WDR17: variants seen among roughly 807,000 people sequenced by gnomAD.
The protein encoded by WDR17 is WD repeat-containing protein 17.
Under a neutral mutation model 161.7 loss-of-function variants are expected in WDR17, and 143 were observed. That is an observed-to-expected ratio of 0.88 (90% CI 0.77 to 1.02). The LOEUF (loss-of-function observed/expected upper bound fraction) is 1.02. WDR17 is among the 50% of genes least tolerant of loss of function. The probability of loss-of-function intolerance (pLI) is 0.00; values close to 1 mark genes in which losing one functional copy is unlikely to be tolerated. For synonymous variants in WDR17, 517 were observed against 515.6 expected, an observed-to-expected ratio of 1.00 and a Z score of -0.04; for missense variants, 1,469 against 1,520.9, an observed-to-expected ratio of 0.97 and a Z score of 0.57.
At position 176,113,279 on chromosome 4, in the gene WDR17, G is replaced by A. The variant is rs117726339; in HGVS notation, c.123+1576G>A. ...CTCCTAAAGAAGAGAAAGTTATCAA[G>A]CAAGTCAAACTATTCTTCTGAGGTA... is the stretch of plus-strand genomic sequence containing the variant. On this transcript the variant is annotated intron_variant, in intron 2 of 28. Coordinates refer to ENST00000508596, the MANE Select transcript of WDR17 (RefSeq NM_181265.4). Among the ~76,000 whole-genome samples the A allele has an allele frequency of 3.2e-4, 48 of 152,030 alleles. 1 individual carries two copies. The East Asian group carries it at 8.9e-3, about 28-fold the overall frequency.
intron 3 of WDR17, among the ~76,000 whole-genome samples, chr4:176,117,080 C>T (rs546417057): frequency 9.2e-5 from 14 of 151,942 alleles, no homozygotes; most frequent in African/African-American, 3.1e-4. Flanking sequence ...AATCTCTGAA[C>T]AAAATATTGT....
At position 176,122,744 on chromosome 4, in the gene WDR17, C is replaced by T. The variant is rs552735336; in HGVS notation, c.539-2360C>T. On this transcript the variant is annotated intron_variant, in intron 4 of 28. Transcript: ENST00000508596. ...CTCTCCTCCAGGTTCTTGCAGGAAC[C>T]TATGACCTCAATATCTCTGTTGTCT... Among the ~76,000 whole-genome samples, 3 of 152,264 alleles carry T rather than the reference C, an allele frequency of 2.0e-5. No homozygotes were observed. In the South Asian group the frequency reaches 6.2e-4, roughly 32 times the overall value.
intron 2 of WDR17, among the ~76,000 whole-genome samples, chr4:176,113,521 C>G (rs1043773449): frequency 1.3e-5 from 2 of 151,928 alleles, no homozygotes; most frequent in African/African-American, 4.8e-5. Context: ...ACTTAGGGGA[C>G]AGTTCATTAC....
At chr4:176,134,981 C>T in intron 7 of WDR17, 127 bp from the exon 8 acceptor site, 1 of 859,484 alleles carries the variant, frequency 1.2e-6, no homozygotes. Flanking sequence ...TTTTTCTTGC[C>T]TATATATTTT....
rs1230599726 is a variant in WDR17, at chr4:176,150,087, G to T, written c.2092G>T (p.Val698Leu). The T allele has an allele frequency of 6.2e-7, 1 of 1,614,032 alleles. No individual in the cohort carries two copies. The highest frequency in any genetic ancestry group is 8.5e-7 in the Non-Finnish European group (1 of 1,179,970). Reference sequence around the variant, plus strand: ...CACTCCTCCTCTACTGTGTGGTAAAGTGTCAAGAGATATTAGACAGGAAAT... The same window carrying T: ...CACTCCTCCTCTACTGTGTGGTAAATTGTCAAGAGATATTAGACAGGAAAT... ...PGTPPLLCGK[V>L]SRDIRQEIEK... is the part of the protein sequence containing the mutation. Residue 698 changes from valine to leucine, a missense_variant, in exon 15 of 29, where the codon GTG (valine) becomes TTG (leucine). Physicochemically the swap from Val to Leu is conservative, Grantham distance 32. Coordinates refer to ENST00000508596, the MANE Select transcript of WDR17 (RefSeq NM_181265.4).
intron 20 of WDR17, 141 bp downstream of exon 20, chr4:176,161,143 C>T: frequency 1.8e-6 from 1 of 542,980 alleles, no homozygotes; most frequent in South Asian, 4.0e-5. Context: ...GATCCAGTTC[C>T]ATACAGCATT....
Position 176,181,123 on chromosome 4 carries a change from G to T in WDR17, c.*1544G>T, listed in dbSNP as rs1752113898. 1 of 151,742 alleles carries T rather than the reference G, an allele frequency of 6.6e-6. No individual in the cohort carries two copies. The highest frequency in any genetic ancestry group is 6.6e-5 in the Admixed American group (1 of 15,218). The allele number at this position is 151,742 out of a possible 1,614,324, so 9.4% of individuals were successfully genotyped here. ...GAAAAAATATATATTATGTATCTAT[G>T]TATCATATTTATCACATGACCACTT... On this transcript the variant is annotated 3_prime_UTR_variant, in exon 29 of 29. Transcript: ENST00000508596.
chr4:176,105,810 C>A (rs1479184499), intron 1 of WDR17, among the ~76,000 whole-genome samples: 4 of 150,788 alleles, frequency 2.7e-5, no homozygotes, highest in Non-Finnish European at 5.9e-5. Flanking sequence ...AAGGAACTAA[C>A]AAAAGAATAA....
intron 1 of WDR17, among the ~76,000 whole-genome samples, chr4:176,085,382 A>G (rs1195660320): frequency 6.6e-6 from 1 of 152,088 alleles, no homozygotes; most frequent in African/African-American, 2.4e-5. Context: ...CAAAGAGTTT[A>G]TGTAACATTT....
intron 1 of WDR17, among the ~76,000 whole-genome samples, chr4:176,071,568 G>A (rs954433331): frequency 6.6e-6 from 1 of 152,010 alleles, no homozygotes; most frequent in African/African-American, 2.4e-5. Flanking sequence ...GCCCACCTTG[G>A]CCTCTCAAAG....
intron 2 of WDR17, among the ~76,000 whole-genome samples, chr4:176,112,994 C>T (rs866517111): frequency 2.0e-5 from 3 of 152,006 alleles, no homozygotes; most frequent in Middle Eastern, 3.2e-3. Context: ...CCATTTTCCA[C>T]GATATAGAGT....
At chr4:176,129,768 T>C (rs928704022) in intron 6 of WDR17, among the ~76,000 whole-genome samples, 5 of 152,118 alleles carry the variant, frequency 3.3e-5, no homozygotes, top group African/African-American at 4.8e-5. Flanking sequence ...TTGTACAAAA[T>C]TGTGAAGTCC....
chr4:176,092,420 G>T (rs6832331), intron 1 of WDR17, among the ~76,000 whole-genome samples: 1 of 152,022 alleles, frequency 6.6e-6, no homozygotes, highest in Non-Finnish European at 1.5e-5. Context: ...CTTCAAAAAA[G>T]TGGGTGTAGG....
intron 3 of WDR17, among the ~76,000 whole-genome samples, chr4:176,117,840 A>G (rs964693810): frequency 2.6e-5 from 4 of 152,122 alleles, no homozygotes; most frequent in Admixed American, 2.0e-4. Flanking sequence ...TTGCAAAAAA[A>G]TTATGACTAT....
chr4:176,142,378 T>C (rs761927284), intron 11 of WDR17, among the ~76,000 whole-genome samples: 5 of 152,212 alleles, frequency 3.3e-5, no homozygotes, highest in Admixed American at 6.5e-5. Context: ...GCTTCTATCA[T>C]AGAAATGTGG....
At chr4:176,169,081 A>G (rs1750316187) in intron 23 of WDR17, among the ~76,000 whole-genome samples, 1 of 152,216 alleles carries the variant, frequency 6.6e-6, no homozygotes, top group African/African-American at 2.4e-5. Flanking sequence ...CAAATTAGTT[A>G]GCGGTGGAGT....
chr4:176,091,822 T>C (rs1196993203), intron 1 of WDR17, among the ~76,000 whole-genome samples: 1 of 152,062 alleles, frequency 6.6e-6, no homozygotes, highest in Non-Finnish European at 1.5e-5. Context: ...AAAGGTTCAT[T>C]GAAAATACTA....
chr4:176,107,099 G>T (rs567547520), intron 1 of WDR17, among the ~76,000 whole-genome samples: 1 of 152,116 alleles, frequency 6.6e-6, no homozygotes, highest in Non-Finnish European at 1.5e-5. Context: ...ACAAAGAAAC[G>T]TGATTTACCT....
In WDR17 at chr4:176,169,602, G is replaced by A. The variant is rs550774762; in HGVS notation, c.3102+819G>A. Among the ~76,000 whole-genome samples the A allele has an allele frequency of 2.0e-5, 3 of 152,250 alleles. No individual in the cohort carries two copies. In the South Asian group the frequency reaches 6.2e-4, roughly 32 times the overall value. ...TATAAGTACAATATTTTCTCATCTTGAACTTCTAAAATAATGAAGTTTTTC... is the reference window on the plus strand; with the variant it reads ...TATAAGTACAATATTTTCTCATCTTAAACTTCTAAAATAATGAAGTTTTTC... On this transcript the variant is annotated intron_variant, in intron 23 of 28. Coordinates refer to ENST00000508596, the MANE Select transcript of WDR17 (RefSeq NM_181265.4).
Sources: allele counts gnomAD v4.1 joint callset (sites outside exome capture counted in the v4.1 genomes callset), GRCh38; gene constraint gnomAD v4.1.1; transcripts MANE v1.5; gene names NCBI Gene and HGNC (gene_info 2026-07-23, HGNC 2026-07-21).